Variants in CFAP74 observed in about 807,000 individuals in gnomAD.
CFAP74 encodes the protein cilia and flagella associated protein 74.
CFAP74 carries 124 observed loss-of-function variants against 188.9 expected under a neutral mutation model. That is an observed-to-expected ratio of 0.66 (90% CI 0.57 to 0.76). The LOEUF (loss-of-function observed/expected upper bound fraction) is 0.76. Ranked by LOEUF, CFAP74 falls within the 30% of genes least tolerant of loss-of-function variation. The probability of loss-of-function intolerance (pLI) is 0.00; values close to 1 mark genes in which losing one functional copy is unlikely to be tolerated. For synonymous variants in CFAP74, 956 were observed against 916.7 expected (o/e 1.04, Z -0.77); for missense variants, 2,198 against 2,165.2 (o/e 1.02, Z -0.30).
At chr1:1,980,745 T>C (rs1656788328) in intron 6 of CFAP74, among the ~76,000 whole-genome samples, 1 of 152,180 alleles carries the variant, frequency 6.6e-6, no homozygotes, top group Non-Finnish European at 1.5e-5. Context: ...CCAAGGACCC[T>C]CGGCTGTTCA....
Position 1,947,035 on chromosome 1 carries a change from TG to T in CFAP74, c.2195del (p.Thr732LysfsTer2). On this transcript the variant is annotated frameshift_variant, in exon 19 of 39. Coordinates refer to ENST00000682832, the MANE Select transcript of CFAP74 (RefSeq NM_001304360.2). LOFTEE classifies it high-confidence loss of function. The part of the protein sequence containing the change: ...EQPAEPERLT[T>X]VIPPSEEQTE... Reference sequence around the variant, plus strand: ...TCTGCTCTTCGCTGGGAGGTATCACTGTGGTTAATCTCTCTGGTTCTGGAAG... The same window carrying T: ...TCTGCTCTTCGCTGGGAGGTATCACTTGGTTAATCTCTCTGGTTCTGGAAG... 1 of 1,536,036 alleles carries T rather than the reference TG, an allele frequency of 6.5e-7. No individual in the cohort carries two copies. Among genetic ancestry groups the T allele is most frequent in the South Asian group, 1.2e-5 (1 of 84,060 alleles).
At chr1:1,971,089 A>G (rs1655973312) in intron 9 of CFAP74, among the ~76,000 whole-genome samples, 1 of 148,648 alleles carries the variant, frequency 6.7e-6, no homozygotes, top group Non-Finnish European at 1.5e-5. Context: ...ACACTCATAC[A>G]TGCACACCTG....
intron 23 of CFAP74, 147 bp from the exon 24 acceptor site, chr1:1,939,914 C>T (rs1444367815): frequency 1.2e-6 from 1 of 817,620 alleles, no homozygotes; most frequent in Non-Finnish European, 1.9e-6. Flanking sequence ...TCATAAAACC[C>T]ACTTCCCTGT....
rs1558037294 is a variant in CFAP74 at position 1,968,050 on chromosome 1, CAG to C, written c.1245+583_1245+584del. Among the ~76,000 whole-genome samples, 18 of 151,310 alleles carry C rather than the reference CAG, an allele frequency of 1.2e-4. No homozygotes were observed. Among genetic ancestry groups the C allele is most frequent in the Non-Finnish European group, 4.4e-5 (3 of 67,908 alleles). Reference sequence around the variant, plus strand: ...TGAATGAGTGAATGAATAAGTGTATCAGTGAGTGAGTGAATGAATGAGTGAAT... The same window carrying C: ...TGAATGAGTGAATGAATAAGTGTATCTGAGTGAGTGAATGAATGAGTGAAT... On this transcript the variant is annotated intron_variant, in intron 11 of 38. Coordinates refer to ENST00000682832, the MANE Select transcript of CFAP74 (RefSeq NM_001304360.2). The surrounding 1 kb of genome is among the most constrained non-coding windows in gnomAD (Gnocchi z 4.3).
At chr1:1,952,328 G>C (rs1055374113) in intron 18 of CFAP74, among the ~76,000 whole-genome samples, 20 of 149,934 alleles carry the variant, frequency 1.3e-4, no homozygotes, top group Admixed American at 1.3e-3. Flanking sequence ...TAAAGGAAGA[G>C]GATAAAAGGC....
intron 18 of CFAP74, chr1:1,955,391 G>A (rs1558022217): frequency 3.6e-6 from 5 of 1,389,860 alleles, no homozygotes; most frequent in Non-Finnish European, 4.8e-6. Context: ...CCTCCAGGGG[G>A]CACCGCAGAG....
At chr1:1,932,584 TTTTC>T (rs1483444074) in intron 25 of CFAP74, among the ~76,000 whole-genome samples, 5 of 151,542 alleles carry the variant, frequency 3.3e-5, no homozygotes, top group African/African-American at 4.8e-5. Context: ...TAGTCAATTT[TTTTC>T]TTTCTTTTTT....
chr1:1,941,895 C>T, intron 22 of CFAP74, 133 bp downstream of exon 22: 1 of 1,008,988 alleles, frequency 9.9e-7, no homozygotes. Flanking sequence ...ATGGCCTCTG[C>T]CCCAGAACAC....
At position 1,941,018 on chromosome 1, in the gene CFAP74, C is replaced by G. The variant is rs928466407; in HGVS notation, c.2616-615G>C. ...GTCCCAGCTACTCGGGAGGCTGAGG[C>G]AGGAGAATGGCGTGAACCCGGGAGG... On this transcript the variant is annotated intron_variant, in intron 22 of 38. Transcript: ENST00000682832. Among the ~76,000 whole-genome samples, 11 of 152,204 alleles carry G rather than the reference C, an allele frequency of 7.2e-5. No homozygotes were observed. The East Asian group carries it at 2.1e-3, about 29-fold the overall frequency.
intron 1 of CFAP74, among the ~76,000 whole-genome samples, chr1:1,997,568 C>G (rs776163692): frequency 5.3e-5 from 8 of 151,994 alleles, no homozygotes; most frequent in Non-Finnish European, 1.2e-4. Flanking sequence ...TTGCTTGGTA[C>G]AACTTCAATA....
intron 12 of CFAP74, among the ~76,000 whole-genome samples, 158 bp from the exon 13 acceptor site, chr1:1,965,219 G>A (rs1326634268): frequency 6.6e-6 from 1 of 151,630 alleles, no homozygotes; most frequent in Non-Finnish European, 1.5e-5. Flanking sequence ...CATGGCCCGG[G>A]GAGTTGCTCT....
Position 1,938,996 on chromosome 1 carries a change from T to C in CFAP74, c.2878-8A>G, listed in dbSNP as rs1182086245. 10 of 1,535,634 alleles carry C rather than the reference T, an allele frequency of 6.5e-6. No homozygotes were observed. Among genetic ancestry groups the C allele is most frequent in the Admixed American group, 3.9e-5 (2 of 50,962 alleles). On this transcript the variant is annotated splice_polypyrimidine_tract_variant and splice_region_variant and intron_variant, in intron 24 of 38. Coordinates refer to ENST00000682832, the MANE Select transcript of CFAP74 (RefSeq NM_001304360.2). ...GGGTTGGACGTCCACAAACTGGAAA[T>C]AGAAGAGTGCTCTGAGGGCATGTCA...
chr1:1,923,919 A>G lies in CFAP74; in HGVS notation c.4245T>C (p.Asn1415=). The G allele has an allele frequency of 1.2e-6, 2 of 1,610,356 alleles. No individual in the cohort carries two copies. The highest frequency in any genetic ancestry group is 1.7e-6 in the Non-Finnish European group (2 of 1,178,248). The change falls in exon 35 of 39, where the codon AAT becomes AAC. Residue 1415 remains asparagine, a synonymous_variant. Coordinates refer to ENST00000682832, the MANE Select transcript of CFAP74 (RefSeq NM_001304360.2). The surrounding 1 kb of genome is among the most constrained non-coding windows in gnomAD (Gnocchi z 6.3). ...CGCTGAACACGCTCTGACCGTTGAG[A>G]TTCTGCGTCCCTGCGGGTAGGGTGG... ...SQRTEVVGTQ[N]LNGQSVFSVA... is the part of the protein sequence containing the mutation.
chr1:1,946,714 G>C (rs1275581400), intron 19 of CFAP74, among the ~76,000 whole-genome samples: 1 of 152,212 alleles, frequency 6.6e-6, no homozygotes, highest in African/African-American at 2.4e-5. Context: ...GGAGGCCGCG[G>C]CCAGCATCCA....
At position 1,946,391 on chromosome 1, in the gene CFAP74, C is replaced by CCA; in HGVS notation, c.2289_2290insTG (p.Val764TrpfsTer49). On this transcript the variant is annotated frameshift_variant, in exon 20 of 39. Transcript: ENST00000682832. LOFTEE classifies it high-confidence loss of function. The stretch of plus-strand genomic sequence containing the variant: ...TCGCCTGGGACGACCGGAGTGAAGA[C>CCA]GATGGGCACCTTGATGGAGCTGAAG... 4 of 1,537,086 alleles carry CCA rather than the reference C, an allele frequency of 2.6e-6. No homozygotes were observed. In the South Asian group the frequency reaches 4.8e-5, roughly 18 times the overall value.
rs1656207315 is a variant in CFAP74 at position 1,973,104 on chromosome 1, C to A, written c.675-57G>T. 3.9e-6 allele frequency: 5 copies of A among 1,287,104 alleles called. No homozygotes were observed. Among genetic ancestry groups the A allele is most frequent in the Non-Finnish European group, 5.5e-6 (5 of 901,540 alleles). 79.7% of individuals were successfully genotyped at this position (1,287,104 alleles called of 1,614,324 possible). On this transcript the variant is annotated intron_variant, in intron 7 of 38. Transcript: ENST00000682832. The surrounding 1 kb of genome is among the most constrained non-coding windows in gnomAD (Gnocchi z 6.2). ...TCGGCATCACACGTCCCATCTGCCC[C>A]CAAGCCCTGCACGGCTGGAGCTCGT... is the stretch of plus-strand genomic sequence containing the variant.
chr1:1,927,821 C>T (rs1056007281), intron 27 of CFAP74, 75 bp from the exon 28 acceptor site: 18 of 1,467,094 alleles, frequency 1.2e-5, no homozygotes, highest in Middle Eastern at 1.8e-4. Context: ...GGCTCCTCTG[C>T]GGCCAGTGCG....
intron 21 of CFAP74, among the ~76,000 whole-genome samples, chr1:1,943,050 G>A (rs534015472): frequency 2.0e-5 from 3 of 152,222 alleles, no homozygotes; most frequent in African/African-American, 4.8e-5. Flanking sequence ...GCGGGCGCCC[G>A]GGTGCTCAGA....
chr1:1,985,544 G>T, intron 5 of CFAP74, 54 bp from the exon 6 acceptor site: 1 of 1,426,240 alleles, frequency 7.0e-7, no homozygotes, highest in South Asian at 1.1e-5. Flanking sequence ...TCATCCAGGG[G>T]CCATCCAGGT....
Sources: gnomAD v4.1 joint callset for allele counts (sites outside exome capture counted in the v4.1 genomes callset) on GRCh38, gnomAD v4.1.1 for gene constraint, Gnocchi (gnomAD v3.1) non-coding constraint, MANE v1.5 for transcripts, NCBI Gene and HGNC (gene_info 2026-07-23, HGNC 2026-07-21) for gene names.